KAZN: variants seen among roughly 807,000 people sequenced by gnomAD.
KAZN encodes kazrin, periplakin interacting protein, also known as kazrin.
KAZN carries 40 observed loss-of-function variants against 87.4 expected under a neutral mutation model. That is an observed-to-expected ratio of 0.46 (90% CI 0.36 to 0.60). The LOEUF (loss-of-function observed/expected upper bound fraction) is 0.60. KAZN is among the 20% of genes least tolerant of loss of function. The probability of loss-of-function intolerance (pLI) is 0.00; values close to 1 mark genes in which losing one functional copy is unlikely to be tolerated. For synonymous variants in KAZN, 466 were observed against 458.3 expected, an observed-to-expected ratio of 1.02 and a Z score of -0.22; for missense variants, 898 against 1,073.9, an observed-to-expected ratio of 0.84 and a Z score of 2.29.
At chr1:14,704,231 C>G (rs908948019) in intron 1 of KAZN, among the ~76,000 whole-genome samples, 1 of 152,152 alleles carries the variant, frequency 6.6e-6, no homozygotes, top group African/African-American at 2.4e-5. Flanking sequence ...GAAGTGTCTC[C>G]CATTCAAGGG....
chr1:14,686,361 C>T (rs1191834422), intron 1 of KAZN, among the ~76,000 whole-genome samples: 2 of 152,222 alleles, frequency 1.3e-5, no homozygotes, highest in African/African-American at 2.4e-5. Context: ...CCACGCCCAG[C>T]CCAGTCTGCC....
intron 1 of KAZN, among the ~76,000 whole-genome samples, chr1:13,990,725 T>C (rs1639239198): frequency 6.6e-6 from 1 of 152,222 alleles, no homozygotes; most frequent in Admixed American, 6.5e-5. Flanking sequence ...ATAAGTACAC[T>C]GTGGCGTTTG....
chr1:14,753,263 G>T (rs1644463527), intron 1 of KAZN, among the ~76,000 whole-genome samples: 1 of 152,140 alleles, frequency 6.6e-6, no homozygotes, highest in African/African-American at 2.4e-5. Flanking sequence ...TTAGGAAGCA[G>T]GCGGTATTTG....
At chr1:14,430,874 G>A (rs546840153) in intron 2 of KAZN, among the ~76,000 whole-genome samples, 109 of 152,284 alleles carry the variant, frequency 7.2e-4, no homozygotes, top group Admixed American at 3.2e-3. Flanking sequence ...CACAAAGGCT[G>A]GAATGAGCAA....
intron 1 of KAZN, among the ~76,000 whole-genome samples, chr1:13,912,122 G>A (rs1639674444): frequency 6.6e-6 from 1 of 152,198 alleles, no homozygotes; most frequent in African/African-American, 2.4e-5. Context: ...GTAACACAAA[G>A]ACCAGTGCTC....
intron 1 of KAZN, among the ~76,000 whole-genome samples, chr1:14,132,182 C>T (rs1280799870): frequency 1.1e-4 from 17 of 152,178 alleles, no homozygotes; most frequent in Admixed American, 1.1e-3. Flanking sequence ...TGTGATGGCT[C>T]ATTGACACCC....
In KAZN at chr1:14,385,417, T is replaced by TCTCTTG. The variant is rs1204619950; in HGVS notation, c.249+204825_249+204826insCTCTTG. On this transcript the variant is annotated intron_variant, in intron 2 of 16. Coordinates refer to the KAZN transcript ENST00000636203. ...TAATTGTGATGGTAGGGTGTCAATT[T>TCTCTTG]TGGATCTTTCCTGCTTTCTCTTGTG... 5.3e-5 allele frequency among the ~76,000 whole-genome samples: 8 copies of TCTCTTG among 152,350 alleles called. 1 individual carries two copies. Among genetic ancestry groups the TCTCTTG allele is most frequent in the African/African-American group, 1.9e-4 (8 of 41,594 alleles).
chr1:14,697,809 T>C (rs1641701457), intron 1 of KAZN, among the ~76,000 whole-genome samples: 1 of 152,274 alleles, frequency 6.6e-6, no homozygotes, highest in South Asian at 2.1e-4. Context: ...CACTGCCCTA[T>C]GACTGTGGCC....
intron 1 of KAZN, among the ~76,000 whole-genome samples, chr1:14,740,323 G>A (rs1472562425): frequency 6.6e-6 from 1 of 152,216 alleles, no homozygotes; most frequent in East Asian, 1.9e-4. Flanking sequence ...CCGATGCAGA[G>A]AAAACTTGGT....
chr1:14,858,966 G>A (rs930172120), intron 1 of KAZN, among the ~76,000 whole-genome samples: 2 of 152,114 alleles, frequency 1.3e-5, no homozygotes, highest in Non-Finnish European at 2.9e-5. Context: ...CAGCACTTTG[G>A]GAGGCCGAGG....
chr1:14,652,853 C>T (rs1557865848), intron 1 of KAZN, among the ~76,000 whole-genome samples: 1 of 151,650 alleles, frequency 6.6e-6, no homozygotes, highest in East Asian at 2.0e-4. Flanking sequence ...TACCCCGCCC[C>T]CATGGCAATT....
intron 2 of KAZN, among the ~76,000 whole-genome samples, chr1:14,201,923 C>T (rs1044908078): frequency 6.6e-6 from 1 of 152,264 alleles, no homozygotes; most frequent in Non-Finnish European, 1.5e-5. Flanking sequence ...CTGCCTCGGC[C>T]TCCCAAAGTG....
chr1:14,036,971 G>T (rs1160878807), intron 1 of KAZN, among the ~76,000 whole-genome samples: 1 of 151,920 alleles, frequency 6.6e-6, no homozygotes, highest in Non-Finnish European at 1.5e-5. Flanking sequence ...GTAGAGACGG[G>T]GTTTCACTGT....
At chr1:14,837,229 G>C (rs7541349) in intron 1 of KAZN, among the ~76,000 whole-genome samples, 1 of 152,036 alleles carries the variant, frequency 6.6e-6, no homozygotes, top group Admixed American at 6.5e-5. Flanking sequence ...ACTGAGTTTC[G>C]CTGTTGTTGC....
chr1:14,517,536 G>A (rs1571846807), intron 2 of KAZN, among the ~76,000 whole-genome samples: 1 of 152,186 alleles, frequency 6.6e-6, no homozygotes, highest in African/African-American at 2.4e-5. Flanking sequence ...ACAATAAGAA[G>A]CCTGGAACAC....
At chr1:14,637,777 ATG>A (rs141099093) in intron 1 of KAZN, among the ~76,000 whole-genome samples, 3,367 of 152,232 alleles carry the variant, frequency 0.022, 140 homozygotes, top group African/African-American at 0.077. Flanking sequence ...GTACATATAT[ATG>A]TGTGTGTGCA....
chr1:13,919,077 G>A (rs748798404), intron 1 of KAZN, among the ~76,000 whole-genome samples: 9 of 152,172 alleles, frequency 5.9e-5, no homozygotes, highest in Non-Finnish European at 1.3e-4. Context: ...TTGAAGTACA[G>A]CATTTACTAA....
At chr1:14,000,083 G>A (rs185549505) in intron 1 of KAZN, among the ~76,000 whole-genome samples, 3 of 152,268 alleles carry the variant, frequency 2.0e-5, no homozygotes, top group African/African-American at 4.8e-5. Flanking sequence ...AAAAAGTCCA[G>A]GACCAGACGG....
At chr1:13,985,229 A>G (rs547891136) in intron 1 of KAZN, among the ~76,000 whole-genome samples, 39 of 151,860 alleles carry the variant, frequency 2.6e-4, no homozygotes, top group Non-Finnish European at 3.7e-4. Flanking sequence ...ATTATACTTT[A>G]AGTTTTAGGG....
Sources: gnomAD v4.1 joint callset for allele counts (sites outside exome capture counted in the v4.1 genomes callset) on GRCh38, gnomAD v4.1.1 for gene constraint, MANE v1.5 for transcripts, NCBI Gene and HGNC (gene_info 2026-07-23, HGNC 2026-07-21) for gene names.